POT1: variants seen among roughly 807,000 people sequenced by gnomAD.
POT1 encodes the protein protection of telomeres protein 1.
Under a neutral mutation model 78.5 loss-of-function variants are expected in POT1, and 47 were observed. That is an observed-to-expected ratio of 0.60 (90% CI 0.47 to 0.76). The LOEUF is 0.76. Among genes scored for constraint, POT1 ranks in the 30% least tolerant of loss-of-function variants. The probability of loss-of-function intolerance (pLI) is 0.00; values close to 1 mark genes in which losing one functional copy is unlikely to be tolerated. For synonymous variants in POT1, 259 were observed against 260.7 expected, an observed-to-expected ratio of 0.99 and a Z score of 0.06; for missense variants, 646 against 749.9, an observed-to-expected ratio of 0.86 and a Z score of 1.62.
intron 14 of POT1, 52 bp downstream of exon 14, chr7:124,840,921 G>T: frequency 1.4e-6 from 2 of 1,392,434 alleles, no homozygotes; most frequent in Middle Eastern, 2.6e-4. Flanking sequence ...AATTAATTAG[G>T]AAAAATATGC....
intron 12 of POT1, among the ~76,000 whole-genome samples, chr7:124,844,348 C>T (rs1438162450): frequency 3.3e-5 from 5 of 151,108 alleles, no homozygotes; most frequent in East Asian, 2.0e-4. Flanking sequence ...AGGCTGGCTT[C>T]GAACTCCCGT....
chr7:124,912,734 TCTC>T (rs1796920586), intron 3 of POT1, among the ~76,000 whole-genome samples: 1 of 152,142 alleles, frequency 6.6e-6, no homozygotes, highest in Admixed American at 6.5e-5. Context: ...ACATGCAAAT[TCTC>T]CTATTTCCTT....
chr7:124,894,740 T>A (rs1194957705), intron 5 of POT1, among the ~76,000 whole-genome samples: 1 of 151,554 alleles, frequency 6.6e-6, no homozygotes, highest in Admixed American at 6.6e-5. Context: ...TAAAGTATTG[T>A]ATTCCATAAA....
chr7:124,922,891 ATAAG>A (rs777493240), intron 2 of POT1, among the ~76,000 whole-genome samples: 20 of 152,090 alleles, frequency 1.3e-4, no homozygotes, highest in Middle Eastern at 3.4e-3. Context: ...ATACCAAACC[ATAAG>A]TAAGTTGAAA....
rs2116525686 is a variant in POT1, at chr7:124,859,013, G to C, written c.646C>G (p.Leu216Val). 6.2e-7 allele frequency: 1 copy of C among 1,611,042 alleles called. No individual in the cohort carries two copies. The highest frequency in any genetic ancestry group is 8.5e-7 in the Non-Finnish European group (1 of 1,177,924). The change falls in exon 9 of 19, where the codon CTG becomes GTG. Residue 216 changes from leucine to valine, a missense_variant. Physicochemically the swap from Leu to Val is conservative, Grantham distance 32. This residue lies in a region of POT1 where 252 missense variants were observed against 341.4 expected (regional missense o/e 0.74). Transcript: ENST00000357628. ...DLSHIHRLQN[L>V]TIDILVYDNH... ...TCGTAGACTAAAATGTCTATTGTCAGATTTTGTAGCCGATGGATGTGACTT... is the reference window on the plus strand; with the variant it reads ...TCGTAGACTAAAATGTCTATTGTCACATTTTGTAGCCGATGGATGTGACTT...
At chr7:124,875,682 A>G (rs1795974985) in intron 6 of POT1, among the ~76,000 whole-genome samples, 1 of 152,212 alleles carries the variant, frequency 6.6e-6, no homozygotes, top group South Asian at 2.1e-4. Flanking sequence ...TATCCTATAT[A>G]AAGTTTCTCA....
chr7:124,920,681 A>T (rs1299977773), intron 2 of POT1, among the ~76,000 whole-genome samples: 1 of 152,086 alleles, frequency 6.6e-6, no homozygotes, highest in Non-Finnish European at 1.5e-5. Flanking sequence ...TTTTTAAAAA[A>T]GTGAGCATTC....
chr7:124,854,986 A>C lies in POT1; in HGVS notation c.703-1848T>G, dbSNP rs569869689. On this transcript the variant is annotated intron_variant, in intron 9 of 18. Coordinates refer to ENST00000357628, the MANE Select transcript of POT1 (RefSeq NM_015450.3). ...TACAAAAGGCTTTGATATTACAAAA[A>C]TGATAATTTCCTCCAAATTAAACTT... 2.4e-4 allele frequency among the ~76,000 whole-genome samples: 37 copies of C among 151,896 alleles called. No homozygotes were observed. In the South Asian group the frequency reaches 7.7e-3, roughly 31 times the overall value.
chr7:124,855,123 A>G (rs1018017485), intron 9 of POT1, among the ~76,000 whole-genome samples: 4 of 149,430 alleles, frequency 2.7e-5, no homozygotes, highest in Non-Finnish European at 6.0e-5. Context: ...AGAATATGAG[A>G]GGGGGGCTTT....
chr7:124,884,758 T>C (rs1388621297), intron 6 of POT1, among the ~76,000 whole-genome samples: 2 of 152,122 alleles, frequency 1.3e-5, no homozygotes. Flanking sequence ...TTTGCTCACG[T>C]TGTGAGTAGG....
chr7:124,882,974 T>C (rs908174014), intron 6 of POT1, among the ~76,000 whole-genome samples: 1 of 151,926 alleles, frequency 6.6e-6, no homozygotes, highest in South Asian at 2.1e-4. Flanking sequence ...TGAAAATTGA[T>C]AGAATAGCTG....
intron 8 of POT1, among the ~76,000 whole-genome samples, chr7:124,862,752 T>C (rs952752437): frequency 6.6e-6 from 1 of 152,144 alleles, no homozygotes; most frequent in Non-Finnish European, 1.5e-5. Context: ...GTATCCTCCA[T>C]AGGATGTCCA....
chr7:124,877,010 T>C (rs1796005221), intron 6 of POT1, among the ~76,000 whole-genome samples: 1 of 152,102 alleles, frequency 6.6e-6, no homozygotes, highest in Non-Finnish European at 1.5e-5. Flanking sequence ...TTACTAGAAA[T>C]GAAGATGCAG....
At chr7:124,889,521 A>G (rs747764613) in intron 6 of POT1, among the ~76,000 whole-genome samples, 4 of 151,990 alleles carry the variant, frequency 2.6e-5, no homozygotes, top group Non-Finnish European at 2.9e-5. Flanking sequence ...ATGTAAACCA[A>G]ACAGTCTTCT....
chr7:124,910,188 G>A (rs1458584120), intron 3 of POT1, among the ~76,000 whole-genome samples: 3 of 151,872 alleles, frequency 2.0e-5, no homozygotes, highest in African/African-American at 4.8e-5. Context: ...GTGGGAATGA[G>A]GGAACTTTTG....
At chr7:124,830,904 T>C (rs1794743571) in intron 15 of POT1, among the ~76,000 whole-genome samples, 1 of 152,140 alleles carries the variant, frequency 6.6e-6, no homozygotes, top group African/African-American at 2.4e-5. Flanking sequence ...TTAGTATCTC[T>C]AACACGGAAA....
At chr7:124,926,959 G>C (rs560460291) in intron 2 of POT1, among the ~76,000 whole-genome samples, 1 of 152,272 alleles carries the variant, frequency 6.6e-6, no homozygotes, top group South Asian at 2.1e-4. Flanking sequence ...GATGATGGGA[G>C]GTTGCTTGGT....
chr7:124,828,205 CTCCTT>C (rs1301111653), intron 16 of POT1, among the ~76,000 whole-genome samples: 2 of 152,044 alleles, frequency 1.3e-5, no homozygotes, highest in Non-Finnish European at 2.9e-5. Context: ...GCATGCCTCT[CTCCTT>C]TCTATTATAA....
chr7:124,863,825 C>T (rs1795658579), intron 7 of POT1, among the ~76,000 whole-genome samples, 185 bp from the exon 8 acceptor site: 1 of 152,024 alleles, frequency 6.6e-6, no homozygotes, highest in Non-Finnish European at 1.5e-5. Context: ...GGTGCTACAC[C>T]AAGATACAGA....
Sources: allele counts gnomAD v4.1 joint callset (sites outside exome capture counted in the v4.1 genomes callset), GRCh38; gene constraint gnomAD v4.1.1; regional missense constraint gnomAD v4.1.1; transcripts MANE v1.5; gene names NCBI Gene and HGNC (gene_info 2026-07-23, HGNC 2026-07-21).